The following RASEF variants were observed in gnomAD, a reference collection of about 807,000 sequenced individuals.
The protein encoded by RASEF is ras and EF-hand domain-containing protein.
In RASEF, 68 loss-of-function variants were observed where a neutral mutation model predicts 90.1. That is an observed-to-expected ratio of 0.75 (90% CI 0.62 to 0.92). The LOEUF (loss-of-function observed/expected upper bound fraction) is 0.92. Ranked by LOEUF, RASEF falls within the 40% of genes least tolerant of loss-of-function variation. The pLI is 0.00. For synonymous variants in RASEF, 331 were observed against 345.2 expected, an observed-to-expected ratio of 0.96 and a Z score of 0.46; for missense variants, 949 against 937.2, an observed-to-expected ratio of 1.01 and a Z score of -0.16.
the RASEF span, among the ~76,000 whole-genome samples, chr9:83,069,606 A>G: frequency 6.6e-6 from 1 of 152,202 alleles, no homozygotes; most frequent in Non-Finnish European, 1.5e-5. Flanking sequence ...GCTATTGTGA[A>G]TAAAACTGCC....
At chr9:83,043,398 G>GT (rs67195097) in intron 1 of RASEF, among the ~76,000 whole-genome samples, 1 of 82,490 alleles carries the variant, frequency 1.2e-5, no homozygotes. Context: ...TGCAGTGATT[G>GT]GGGGGGGGGA....
intron 16 of RASEF, among the ~76,000 whole-genome samples, chr9:82,990,006 A>G (rs1828781012): frequency 6.6e-6 from 1 of 152,238 alleles, no homozygotes; most frequent in African/African-American, 2.4e-5. Context: ...TAACTGGCAT[A>G]ACATACAAAT....
At chr9:83,172,697 T>C in the RASEF span, among the ~76,000 whole-genome samples, 49 of 152,068 alleles carry the variant, frequency 3.2e-4, no homozygotes, top group African/African-American at 1.2e-3. Context: ...TTGTGTTTTA[T>C]ATCTTTTTAT....
At chr9:83,084,353 C>A in the RASEF span, among the ~76,000 whole-genome samples, 3 of 152,134 alleles carry the variant, frequency 2.0e-5, no homozygotes, top group Non-Finnish European at 2.9e-5. Context: ...GAGGCACAAT[C>A]AAAAATGTTA....
At chr9:83,117,337 T>C in the RASEF span, among the ~76,000 whole-genome samples, 77 of 152,322 alleles carry the variant, frequency 5.1e-4, 2 homozygotes, top group East Asian at 0.013. Context: ...ATAGAGCCTA[T>C]ACGTTGGTCT....
At position 83,032,753 on chromosome 9, in the gene RASEF, G is replaced by A. The variant is rs147974441; in HGVS notation, c.432-6832C>T. Reference sequence around the variant, plus strand: ...AATAGCAAATATTCCCATTGAAGCTGAGAGGGAAATTATACGTACTTGAAG... The same window carrying A: ...AATAGCAAATATTCCCATTGAAGCTAAGAGGGAAATTATACGTACTTGAAG... On this transcript the variant is annotated intron_variant, in intron 1 of 16. Coordinates refer to ENST00000376447, the MANE Select transcript of RASEF (RefSeq NM_152573.4). 7.6e-3 allele frequency among the ~76,000 whole-genome samples: 1,164 copies of A among 152,298 alleles called. 14 individuals carry two copies. Among genetic ancestry groups the A allele is most frequent in the African/African-American group, 0.027 (1,108 of 41,558 alleles).
intron 1 of RASEF, among the ~76,000 whole-genome samples, chr9:83,027,227 A>G (rs149991031): frequency 1.3e-5 from 2 of 152,254 alleles, no homozygotes; most frequent in East Asian, 3.9e-4. Context: ...TCCAAACACT[A>G]TTGTTTTGGG....
At chr9:83,115,183 CCT>C in the RASEF span, among the ~76,000 whole-genome samples, 4 of 152,002 alleles carry the variant, frequency 2.6e-5, no homozygotes, top group African/African-American at 9.7e-5. Context: ...CTGAATTTCC[CCT>C]GATATTAGGA....
chr9:83,125,271 G>T, the RASEF span, among the ~76,000 whole-genome samples: 1 of 152,096 alleles, frequency 6.6e-6, no homozygotes, highest in Non-Finnish European at 1.5e-5. Flanking sequence ...ACCCACAGAG[G>T]CAGGACTGTC....
intron 1 of RASEF, among the ~76,000 whole-genome samples, chr9:83,057,897 T>C (rs913201218): frequency 6.8e-6 from 1 of 147,388 alleles, no homozygotes; most frequent in African/African-American, 2.5e-5. Flanking sequence ...CACAAACACA[T>C]CCCAAAGCAC....
chr9:83,036,709 AC>A (rs760326218), intron 1 of RASEF, among the ~76,000 whole-genome samples: 1 of 152,218 alleles, frequency 6.6e-6, no homozygotes, highest in Admixed American at 6.5e-5. Context: ...TGGAACAACA[AC>A]AAAAAAGGGA....
intron 1 of RASEF, among the ~76,000 whole-genome samples, chr9:83,032,824 G>A (rs945569579): frequency 2.0e-5 from 3 of 152,110 alleles, no homozygotes; most frequent in South Asian, 2.1e-4. Flanking sequence ...TAAAGGTCAC[G>A]CACCCATTTT....
chr9:83,016,872 C>A (rs1362626456), intron 3 of RASEF, among the ~76,000 whole-genome samples: 1 of 152,080 alleles, frequency 6.6e-6, no homozygotes, highest in African/African-American at 2.4e-5. Flanking sequence ...CTAAACTTAT[C>A]CATGCCTCCA....
At chr9:83,153,998 C>T in the RASEF span, among the ~76,000 whole-genome samples, 1 of 152,354 alleles carries the variant, frequency 6.6e-6, no homozygotes, top group South Asian at 2.1e-4. Context: ...AGCGTCTCAA[C>T]ATCTGGTTGA....
intron 5 of RASEF, among the ~76,000 whole-genome samples, chr9:83,011,573 A>G (rs1463620681): frequency 4.0e-5 from 6 of 150,800 alleles, no homozygotes; most frequent in South Asian, 2.1e-4. Context: ...AAAAAAAAAA[A>G]AAACTGAAAT....
chr9:83,012,417 GA>G lies in RASEF; in HGVS notation c.843+16del. 1 of 1,410,292 alleles carries G rather than the reference GA, an allele frequency of 7.1e-7. No individual in the cohort carries two copies. The highest frequency in any genetic ancestry group is 9.8e-7 in the Non-Finnish European group (1 of 1,024,864). 87.4% of individuals were successfully genotyped at this position (1,410,292 alleles called of 1,614,324 possible). A position where few individuals can be genotyped will look rare whatever the true frequency, so the allele number is the denominator to read the frequency against. ...TAACAGGAAGTGCATTTCTGTAAGT[GA>G]AAAGGTAATTCTTACCATTGATAAA... On this transcript the variant is annotated intron_variant, in intron 5 of 16. Coordinates refer to ENST00000376447, the MANE Select transcript of RASEF (RefSeq NM_152573.4).
upstream of RASEF, among the ~76,000 whole-genome samples, chr9:83,064,670 T>C (rs1260804509): frequency 5.3e-5 from 8 of 152,236 alleles, no homozygotes; most frequent in Non-Finnish European, 1.0e-4. Flanking sequence ...ACAACTTTAT[T>C]CCTGAATTTT....
chr9:82,995,518 T>A (rs949624324), intron 14 of RASEF, among the ~76,000 whole-genome samples: 1 of 152,054 alleles, frequency 6.6e-6, no homozygotes, highest in Non-Finnish European at 1.5e-5. Flanking sequence ...AATCACGGCT[T>A]ACTTCAGCCT....
chr9:83,065,580 G>A (rs1221695243), upstream of RASEF, among the ~76,000 whole-genome samples: 3 of 151,966 alleles, frequency 2.0e-5, no homozygotes, highest in Non-Finnish European at 4.4e-5. Flanking sequence ...GTGTGGGAAG[G>A]GACTACAAAA....
Sources: gnomAD v4.1 joint callset for allele counts (sites outside exome capture counted in the v4.1 genomes callset) on GRCh38, gnomAD v4.1.1 for gene constraint, MANE v1.5 for transcripts, NCBI Gene and HGNC (gene_info 2026-07-23, HGNC 2026-07-21) for gene names.